Variants in SSPN observed in about 807,000 individuals in gnomAD.
SSPN encodes K-ras oncogene-associated protein.
SSPN carries 15 observed loss-of-function variants against 19.1 expected under a neutral mutation model. The observed-to-expected ratio is 0.78, with a 90% confidence interval of 0.52 to 1.21. The LOEUF is 1.21. Among genes scored for constraint, SSPN ranks in the 50% most tolerant of loss-of-function variants. The pLI is 0.00. For synonymous variants in SSPN, 147 were observed against 140.3 expected (o/e 1.05, Z -0.34); for missense variants, 291 against 314.0 (o/e 0.93, Z 0.55).
intron 1 of SSPN, among the ~76,000 whole-genome samples, chr12:26,133,041 A>C (rs78579876): frequency 0.055 from 8,350 of 152,284 alleles, 243 homozygotes; most frequent in South Asian, 0.07. Context: ...TTCATACAAG[A>C]ATATAACTCA....
At chr12:26,220,986 A>G (rs189632957) in intron 1 of SSPN, among the ~76,000 whole-genome samples, 16 of 152,298 alleles carry the variant, frequency 1.1e-4, no homozygotes, top group Admixed American at 7.8e-4. Flanking sequence ...CATCCAATCC[A>G]TTCTTCATAG....
At chr12:26,226,599 T>C (rs12578121) in intron 2 of SSPN, among the ~76,000 whole-genome samples, 17,037 of 152,110 alleles carry the variant, frequency 0.11, 1,038 homozygotes, top group East Asian at 0.19. Context: ...CGTTCCTTTT[T>C]CCTCCCTGGG....
At chr12:26,223,066 C>G (rs904649932) in intron 1 of SSPN, among the ~76,000 whole-genome samples, 2 of 152,316 alleles carry the variant, frequency 1.3e-5, no homozygotes, top group African/African-American at 4.8e-5. Flanking sequence ...TTCTCACTGC[C>G]AACCCACCCA....
intron 1 of SSPN, chr12:26,123,545 G>A: frequency 1.1e-6 from 1 of 927,816 alleles, no homozygotes; most frequent in South Asian, 1.3e-5. Context: ...AAAGAGATGG[G>A]GTGCGGGTGA....
chr12:26,232,539 G>A lies in SSPN; in HGVS notation c.*1463G>A, dbSNP rs1162206940. 1.0e-6 allele frequency: 1 copy of A among 985,140 alleles called. No individual in the cohort carries two copies. The highest frequency in any genetic ancestry group is 1.2e-6 in the Non-Finnish European group (1 of 829,900). 61.0% of individuals were successfully genotyped at this position (985,140 alleles called of 1,614,324 possible). On this transcript the variant is annotated 3_prime_UTR_variant, in exon 3 of 3. Transcript: ENST00000242729. ...AATTCGCCTCTCCGCATTGCCTATTGATACACTTTACTAATCATGAAATTC... is the reference window on the plus strand; with the variant it reads ...AATTCGCCTCTCCGCATTGCCTATTAATACACTTTACTAATCATGAAATTC...
upstream of SSPN, among the ~76,000 whole-genome samples, chr12:26,191,689 CACACACACACACACACACACA>C (rs1944789194): frequency 1.5e-5 from 1 of 67,638 alleles, no homozygotes; most frequent in Admixed American, 1.3e-4. Flanking sequence ...CACACACACA[CACACACACACACACACACACA>C]CACACACAAA....
intron 1 of SSPN, chr12:26,122,675 C>T (rs771205815): frequency 6.5e-7 from 1 of 1,535,854 alleles, no homozygotes; most frequent in South Asian, 1.2e-5. Flanking sequence ...AATCCAGCTT[C>T]ATCCTCTTGG....
intron 1 of SSPN, among the ~76,000 whole-genome samples, chr12:26,170,863 T>C (rs927166171): frequency 6.6e-6 from 1 of 152,198 alleles, no homozygotes; most frequent in Admixed American, 6.5e-5. Flanking sequence ...TAATAATAAA[T>C]GTAAGTGCTC....
intron 1 of SSPN, among the ~76,000 whole-genome samples, chr12:26,179,715 A>G (rs1362746888): frequency 6.6e-6 from 1 of 152,144 alleles, no homozygotes; most frequent in Non-Finnish European, 1.5e-5. Context: ...CCAGTGGACT[A>G]CCTGAAAGTC....
intron 1 of SSPN, among the ~76,000 whole-genome samples, chr12:26,162,427 G>A (rs765791300): frequency 6.6e-6 from 1 of 152,134 alleles, no homozygotes; most frequent in Non-Finnish European, 1.5e-5. Context: ...AGCTCCTTCT[G>A]CTGATAAATT....
chr12:26,186,165 C>CA (rs1451054518), intron 1 of SSPN, among the ~76,000 whole-genome samples: 3 of 151,540 alleles, frequency 2.0e-5, no homozygotes, highest in Non-Finnish European at 2.9e-5. Flanking sequence ...AGGACTTAAT[C>CA]ATGAGGGTAC....
chr12:26,224,416 TAGAA>T (rs1945156435), intron 2 of SSPN, 37 bp downstream of exon 2: 4 of 1,497,428 alleles, frequency 2.7e-6, no homozygotes, highest in Admixed American at 1.7e-5. Flanking sequence ...TATCATCACA[TAGAA>T]AGAAATCCAA....
chr12:26,162,627 A>G (rs1012413985), intron 1 of SSPN, among the ~76,000 whole-genome samples: 6 of 152,160 alleles, frequency 3.9e-5, no homozygotes, highest in African/African-American at 1.4e-4. Context: ...TTATTTTGAA[A>G]CCTGTAACTT....
upstream of SSPN, among the ~76,000 whole-genome samples, chr12:26,194,549 C>G (rs1349950167): frequency 6.6e-6 from 1 of 152,240 alleles, no homozygotes; most frequent in Non-Finnish European, 1.5e-5. Context: ...CCACGCCTGT[C>G]TAATTTTTGT....
At chr12:26,165,521 G>T (rs1286047963) in intron 1 of SSPN, among the ~76,000 whole-genome samples, 1 of 152,242 alleles carries the variant, frequency 6.6e-6, no homozygotes, top group South Asian at 2.1e-4. Context: ...AGTATGAAAA[G>T]TGTTCAGTAA....
At chr12:26,186,081 A>G (rs1490331694) in intron 1 of SSPN, among the ~76,000 whole-genome samples, 1 of 152,174 alleles carries the variant, frequency 6.6e-6, no homozygotes, top group African/African-American at 2.4e-5. Flanking sequence ...TCTTTAGAAA[A>G]TGAATGCTTC....
chr12:26,158,912 GAGGA>G (rs1944571514), intron 1 of SSPN, among the ~76,000 whole-genome samples: 2 of 152,266 alleles, frequency 1.3e-5, no homozygotes, highest in Non-Finnish European at 2.9e-5. Flanking sequence ...AAGCACAGAG[GAGGA>G]GATCTGGGGT....
At chr12:26,211,917 A>G (rs920873114) in intron 1 of SSPN, among the ~76,000 whole-genome samples, 4 of 152,216 alleles carry the variant, frequency 2.6e-5, no homozygotes, top group East Asian at 1.9e-4. Flanking sequence ...GAAAGCATGT[A>G]TCTAGCCATA....
intron 1 of SSPN, among the ~76,000 whole-genome samples, chr12:26,174,059 A>G (rs895161158): frequency 1.3e-5 from 2 of 152,236 alleles, no homozygotes; most frequent in East Asian, 3.8e-4. Context: ...GGCTAAAAGC[A>G]TCCCAGGGAG....
Sources: allele counts gnomAD v4.1 joint callset (sites outside exome capture counted in the v4.1 genomes callset), GRCh38; gene constraint gnomAD v4.1.1; transcripts MANE v1.5; gene names NCBI Gene and HGNC (gene_info 2026-07-23, HGNC 2026-07-21).